The following TXNRD2 variants were observed in gnomAD, a reference collection of about 807,000 sequenced individuals.
TXNRD2 encodes thioredoxin reductase 2.
In TXNRD2, 67 loss-of-function variants were observed where a neutral mutation model predicts 70.8. The ratio of observed to expected loss-of-function variants is 0.95; its 90% CI spans 0.78 to 1.16. The LOEUF is 1.16. Ranked by LOEUF, TXNRD2 falls within the 50% of genes most tolerant of loss-of-function variation. The probability of loss-of-function intolerance (pLI) is 0.00; values close to 1 mark genes in which losing one functional copy is unlikely to be tolerated. For missense variants in TXNRD2, 644 were observed against 719.9 expected, an observed-to-expected ratio of 0.89 and a Z score of 1.21; for synonymous variants, 301 against 295.8, an observed-to-expected ratio of 1.02 and a Z score of -0.18.
intron 1 of TXNRD2, chr22:19,932,363 C>T (rs1941398875): frequency 4.3e-6 from 7 of 1,612,594 alleles, no homozygotes; most frequent in Non-Finnish European, 5.9e-6. Flanking sequence ...TCACCTTGGT[C>T]CTCCATGGTG....
rs76079250 is a variant in TXNRD2, at chr22:19,898,050, C to G, written c.763G>C (p.Gly255Arg). ...TIMMRSIPLR[G>R]FDQQMSSMVI... is the part of the protein sequence containing the mutation. ...GCCTCCAGCACTACCTGGTCGAAGC[C>G]GCGGAGGGGGATGCTGCGCATCATG... The change falls in exon 10 of 18, where the codon GGC becomes CGC. Residue 255 changes from glycine to arginine, a missense_variant. Transcript: ENST00000400521. 1,334 of 1,557,312 alleles carry G rather than the reference C, an allele frequency of 8.6e-4. 14 individuals carry two copies. The African/African-American group carries it at 0.016, about 19-fold the overall frequency.
intron 8 of TXNRD2, among the ~76,000 whole-genome samples, chr22:19,908,407 C>A (rs1041106136): frequency 1.3e-5 from 2 of 152,090 alleles, no homozygotes; most frequent in Admixed American, 1.3e-4. Flanking sequence ...CTCACAGCCA[C>A]TAGGATGGCC....
chr22:19,905,737 C>G (rs57323478), intron 8 of TXNRD2, among the ~76,000 whole-genome samples: 1 of 151,990 alleles, frequency 6.6e-6, no homozygotes, highest in African/African-American at 2.4e-5. Flanking sequence ...GAGAAGCCTA[C>G]GTGAAAGACA....
intron 1 of TXNRD2, among the ~76,000 whole-genome samples, chr22:19,933,859 G>A (rs1941451261): frequency 6.6e-6 from 1 of 152,168 alleles, no homozygotes; most frequent in Admixed American, 6.5e-5. Flanking sequence ...CTTTAGCCAG[G>A]CATACCCTCT....
rs1161715829 is a variant in TXNRD2 at position 19,875,699 on chromosome 22, TC to T, written c.*173del. 1 of 152,170 alleles carries T rather than the reference TC, an allele frequency of 6.6e-6. No homozygotes were observed. The highest frequency in any genetic ancestry group is 1.9e-4 in the East Asian group (1 of 5,176). 9.4% of individuals were successfully genotyped at this position (152,170 alleles called of 1,614,324 possible). A position where few individuals can be genotyped will look rare whatever the true frequency, so the allele number is the denominator to read the frequency against. Reference sequence around the variant, plus strand: ...GTGAGGTGGACAGTCCCCTGAGCCATCCCTGTGGGGCACACGGGCCACCTGT... The same window carrying T: ...GTGAGGTGGACAGTCCCCTGAGCCATCCTGTGGGGCACACGGGCCACCTGT... On this transcript the variant is annotated 3_prime_UTR_variant, in exon 18 of 18. Coordinates refer to ENST00000400521, the MANE Select transcript of TXNRD2 (RefSeq NM_006440.5).
intron 13 of TXNRD2, 48 bp downstream of exon 13, chr22:19,880,574 A>C (rs772159963): frequency 1.9e-6 from 3 of 1,559,896 alleles, no homozygotes; most frequent in Non-Finnish European, 2.7e-6. Flanking sequence ...GCTAGCCTCG[A>C]ACTCAGCCTG....
intron 2 of TXNRD2, among the ~76,000 whole-genome samples, chr22:19,922,275 C>T (rs1279575660): frequency 6.6e-6 from 1 of 152,022 alleles, no homozygotes; most frequent in Admixed American, 6.6e-5. Flanking sequence ...ATTTTTATTT[C>T]CTTGCTTAGA....
intron 12 of TXNRD2, 79 bp downstream of exon 12, chr22:19,883,246 G>A (rs540547370): frequency 1.0e-5 from 16 of 1,556,696 alleles, no homozygotes; most frequent in East Asian, 2.3e-5. Flanking sequence ...CCTACAGGAC[G>A]GCAGCAGCCG....
intron 14 of TXNRD2, 146 bp from the exon 15 acceptor site, chr22:19,878,583 T>A: frequency 3.6e-6 from 3 of 826,166 alleles, no homozygotes; most frequent in Non-Finnish European, 2.1e-6. Context: ...GGGATGGGGA[T>A]GAGGGCTTGG....
chr22:19,932,201 CCT>C (rs965702708), intron 1 of TXNRD2, among the ~76,000 whole-genome samples: 2 of 151,778 alleles, frequency 1.3e-5, no homozygotes, highest in African/African-American at 4.8e-5. Context: ...ACAAGCAGCC[CCT>C]GTCCCTCACA....
At chr22:19,936,858 G>A (rs777587838) in intron 1 of TXNRD2, among the ~76,000 whole-genome samples, 1 of 152,070 alleles carries the variant, frequency 6.6e-6, no homozygotes, top group Non-Finnish European at 1.5e-5. Flanking sequence ...AAACTTTCAT[G>A]CAATGCTTAT....
intron 10 of TXNRD2, 50 bp downstream of exon 10, chr22:19,897,989 G>C: frequency 1.4e-6 from 2 of 1,478,308 alleles, no homozygotes; most frequent in Admixed American, 2.0e-5. Flanking sequence ...GGGGCTGTGG[G>C]AGGAAGGCCT....
chr22:19,912,312 A>G (rs1250664784), intron 7 of TXNRD2, among the ~76,000 whole-genome samples: 4 of 152,244 alleles, frequency 2.6e-5, no homozygotes, highest in African/African-American at 9.6e-5. Flanking sequence ...CTGGCAATCA[A>G]AGGGACTAAA....
intron 11 of TXNRD2, among the ~76,000 whole-genome samples, chr22:19,885,337 G>A (rs753317280): frequency 3.3e-5 from 5 of 152,212 alleles, no homozygotes; most frequent in Non-Finnish European, 7.3e-5. Context: ...GCCGGTATGC[G>A]GGTGGCGCCC....
At chr22:19,903,120 C>G (rs1939851939) in intron 8 of TXNRD2, 1 of 487,306 alleles carries the variant, frequency 2.1e-6, no homozygotes, top group Admixed American at 2.2e-5. Context: ...GCTGCAGCCC[C>G]TCCCCCAGGG....
chr22:19,917,807 G>C (rs1418523536), intron 5 of TXNRD2, among the ~76,000 whole-genome samples: 2 of 152,158 alleles, frequency 1.3e-5, no homozygotes, highest in Non-Finnish European at 2.9e-5. Flanking sequence ...CCACATATTA[G>C]CCCCAGGCCT....
rs1318396961 is a variant in TXNRD2, at chr22:19,878,185, C to A, written c.1350G>T (p.Met450Ile). ...GCTGTGGGGGCTCCCTCAGGCACAC[C>A]ATCTGAAAGCCGCACATCTCAGCCA... ...GRDASQCYVKMVCLREPPQLV... is the reference protein window; with the variant it reads ...GRDASQCYVKIVCLREPPQLV... The change falls in exon 16 of 18, where the codon ATG becomes ATT. Residue 450 changes from methionine (M) to isoleucine (I), a missense_variant and splice_region_variant. Around this residue, in one of 3 missense-constraint regions of TXNRD2, gnomAD observed 566 missense variants for 645.0 expected, o/e 0.88. Transcript: ENST00000400521. The A allele has an allele frequency of 1.3e-5, 21 of 1,612,718 alleles. No homozygotes were observed. In the Middle Eastern group the frequency reaches 4.9e-4, roughly 38 times the overall value.
intron 2 of TXNRD2, among the ~76,000 whole-genome samples, chr22:19,929,841 T>G (rs1941292197): frequency 6.6e-6 from 1 of 152,212 alleles, no homozygotes; most frequent in Non-Finnish European, 1.5e-5. Flanking sequence ...TTGCCCATTT[T>G]GATAGGTACA....
chr22:19,932,548 G>A (rs1374385891), intron 1 of TXNRD2: 2 of 1,499,262 alleles, frequency 1.3e-6, no homozygotes, highest in South Asian at 1.2e-5. Flanking sequence ...TGGGCCTGAG[G>A]TCCGGGACAC....
Sources: gnomAD v4.1 joint callset for allele counts (sites outside exome capture counted in the v4.1 genomes callset) on GRCh38, gnomAD v4.1.1 for gene constraint, gnomAD v4.1.1 regional missense constraint, MANE v1.5 for transcripts, NCBI Gene and HGNC (gene_info 2026-07-23, HGNC 2026-07-21) for gene names.